The following GSE1 variants were observed in gnomAD, a reference collection of about 807,000 sequenced individuals.
GSE1 encodes genetic suppressor element 1.
In GSE1, 32 loss-of-function variants were observed where a neutral mutation model predicts 112.6. The ratio of observed to expected loss-of-function variants is 0.28; its 90% CI spans 0.21 to 0.38. GSE1 has a LOEUF of 0.38. Ranked by LOEUF, GSE1 falls within the 10% of genes least tolerant of loss-of-function variation. The pLI is 1.00. For missense variants in GSE1, 2,348 were observed against 1,699.2 expected (o/e 1.38, Z -6.71); for synonymous variants, 1,115 against 735.6 (o/e 1.52, Z -8.35).
At chr16:85,387,446 C>T (rs1254183177) in intron 2 of GSE1, among the ~76,000 whole-genome samples, 1 of 152,212 alleles carries the variant, frequency 6.6e-6, no homozygotes, top group Admixed American at 6.5e-5. Context: ...CATCTGCTGT[C>T]CCTTCAGCCT....
At position 85,661,463 on chromosome 16, in the gene GSE1, C is replaced by G; in HGVS notation, c.1958C>G (p.Pro653Arg). 1 of 1,611,608 alleles carries G rather than the reference C, an allele frequency of 6.2e-7. No homozygotes were observed. The highest frequency in any genetic ancestry group is 8.5e-7 in the Non-Finnish European group (1 of 1,179,344). ...CCTCTGGACAAGTACCAGCCACCTCCGCCGCCACCACGAGAGGGAGGGAGC... is the reference window on the plus strand; with the variant it reads ...CCTCTGGACAAGTACCAGCCACCTCGGCCGCCACCACGAGAGGGAGGGAGC... ...PAPLDKYQPPPPPPREGGSLE... is the reference protein window; with the variant it reads ...PAPLDKYQPPRPPPREGGSLE... Residue 653 changes from proline to arginine, a missense_variant, in exon 9 of 16, where the codon CCG becomes CGG. Coordinates refer to ENST00000253458, the MANE Select transcript of GSE1 (RefSeq NM_014615.5).
intron 13 of GSE1, among the ~76,000 whole-genome samples, chr16:85,667,350 G>C (rs934094660): frequency 3.3e-5 from 5 of 152,242 alleles, no homozygotes; most frequent in Non-Finnish European, 7.3e-5. Flanking sequence ...GGCCCCACCA[G>C]GGGCTGCCAT....
At chr16:85,269,447 AGTGT>A (rs35293678) in intron 1 of GSE1, among the ~76,000 whole-genome samples, 16,448 of 146,266 alleles carry the variant, frequency 0.11, 2,808 homozygotes, top group African/African-American at 0.34. Flanking sequence ...TGGGTGTGTG[AGTGT>A]GTGTGTGTGT....
chr16:85,429,185 A>C (rs562818801), intron 2 of GSE1, among the ~76,000 whole-genome samples: 20 of 152,276 alleles, frequency 1.3e-4, no homozygotes, highest in African/African-American at 4.8e-4. Flanking sequence ...CAGGGCATGC[A>C]CGCCTTCTCA....
intron 1 of GSE1, among the ~76,000 whole-genome samples, chr16:85,580,811 G>A (rs1417073905): frequency 3.3e-5 from 5 of 152,252 alleles, no homozygotes; most frequent in African/African-American, 1.2e-4. Context: ...TCTCCGTCAC[G>A]TGAGCTCTCG....
chr16:85,665,851 CG>C, intron 12 of GSE1, 124 bp from the exon 13 acceptor site: 1 of 868,450 alleles, frequency 1.2e-6, no homozygotes, highest in Non-Finnish European at 1.8e-6. Context: ...AAATGTTCCC[CG>C]GGTCTTGGTT....
intron 1 of GSE1, among the ~76,000 whole-genome samples, chr16:85,562,739 A>AG (rs1251275763): frequency 6.6e-6 from 1 of 152,164 alleles, no homozygotes; most frequent in African/African-American, 2.4e-5. Flanking sequence ...GAGCGGTCCC[A>AG]GGGGGGTTCC....
chr16:85,647,334 TTCTG>T (rs984927573), intron 2 of GSE1, among the ~76,000 whole-genome samples: 5 of 152,188 alleles, frequency 3.3e-5, no homozygotes, highest in Non-Finnish European at 1.5e-5. Flanking sequence ...GAGGGGTTCT[TTCTG>T]AGGCGACGGG....
chr16:85,505,033 C>T (rs1436799790), intron 2 of GSE1, among the ~76,000 whole-genome samples: 2 of 152,216 alleles, frequency 1.3e-5, no homozygotes, highest in African/African-American at 4.8e-5. Context: ...GCACACACAG[C>T]CCCACGTGAC....
At chr16:85,537,635 C>G (rs1293211303) in intron 2 of GSE1, among the ~76,000 whole-genome samples, 1 of 152,246 alleles carries the variant, frequency 6.6e-6, no homozygotes, top group Non-Finnish European at 1.5e-5. Flanking sequence ...TGCCCAGCCC[C>G]CTTCCGAGGC....
intron 2 of GSE1, among the ~76,000 whole-genome samples, chr16:85,371,557 C>A (rs370072071): frequency 1.3e-5 from 2 of 152,168 alleles, no homozygotes; most frequent in African/African-American, 4.8e-5. Context: ...TCTAAGGGGG[C>A]GTGGCAGGGC....
Position 85,170,291 on chromosome 16 carries a change from G to A in GSE1, c.767G>A (p.Arg256Gln), listed in dbSNP as rs533846599. The change falls in exon 1 of 3, where the codon CGG becomes CAG. Residue 256 changes from arginine (R) to glutamine (Q), a missense_variant. Transcript: ENST00000637419. ...CCCAAGTCCGGGGTTAGGCGCCGGC[G>A]GAAGGGGGTTGGGAGGCACTGGGTT... The A allele has an allele frequency of 9.2e-5, 91 of 985,696 alleles. No individual in the cohort carries two copies. In the African/African-American group the frequency reaches 1.5e-3, roughly 16 times the overall value. 61.1% of individuals were successfully genotyped at this position (985,696 alleles called of 1,614,324 possible).
intron 2 of GSE1, among the ~76,000 whole-genome samples, chr16:85,476,620 A>G (rs888012409): frequency 1.2e-4 from 18 of 147,272 alleles, no homozygotes; most frequent in African/African-American, 4.4e-4. Context: ...ACCCACTGTG[A>G]TGATGTAATT....
At chr16:85,669,390 AAGT>A (rs1163963932) in intron 14 of GSE1, among the ~76,000 whole-genome samples, 4 of 152,258 alleles carry the variant, frequency 2.6e-5, no homozygotes, top group Non-Finnish European at 5.9e-5. Flanking sequence ...ATACTTAGAA[AAGT>A]AGTTTTTTTC....
intron 1 of GSE1, among the ~76,000 whole-genome samples, chr16:85,628,591 C>T (rs931160930): frequency 2.0e-5 from 3 of 152,172 alleles, no homozygotes; most frequent in Admixed American, 6.5e-5. Context: ...GTTCAGACTC[C>T]TGCAGGGACA....
chr16:85,614,759 C>T (rs1254667755), intron 1 of GSE1, among the ~76,000 whole-genome samples: 1 of 152,240 alleles, frequency 6.6e-6, no homozygotes, highest in East Asian at 1.9e-4. Context: ...TAAACCCTTG[C>T]TCCCCGCTGC....
intron 1 of GSE1, among the ~76,000 whole-genome samples, chr16:85,627,917 G>C (rs1372854068): frequency 6.6e-6 from 1 of 152,232 alleles, no homozygotes; most frequent in African/African-American, 2.4e-5. Context: ...ACTGACCTCA[G>C]CCAGAGAACA....
At chr16:85,525,935 G>A (rs1032110640) in intron 2 of GSE1, among the ~76,000 whole-genome samples, 3 of 152,162 alleles carry the variant, frequency 2.0e-5, no homozygotes, top group African/African-American at 7.2e-5. Flanking sequence ...CAGCCTTTTC[G>A]GACACCAGCC....
chr16:85,473,261 A>G (rs73263184), intron 2 of GSE1, among the ~76,000 whole-genome samples: 5,213 of 152,272 alleles, frequency 0.034, 273 homozygotes, highest in African/African-American at 0.12. Flanking sequence ...CAGGCAATAA[A>G]CCATAAAAGT....
Sources: gnomAD v4.1 joint callset for allele counts (sites outside exome capture counted in the v4.1 genomes callset) on GRCh38, gnomAD v4.1.1 for gene constraint, MANE v1.5 for transcripts, NCBI Gene and HGNC (gene_info 2026-07-23, HGNC 2026-07-21) for gene names.